GPBP1L1: variants seen among roughly 807,000 people sequenced by gnomAD.
GPBP1L1 encodes the protein GC-rich promoter binding protein 1 like 1.
In GPBP1L1, 23 loss-of-function variants were observed where a neutral mutation model predicts 52.5. The ratio of observed to expected loss-of-function variants is 0.44; its 90% CI spans 0.32 to 0.62. GPBP1L1 has a LOEUF of 0.62. Among genes scored for constraint, GPBP1L1 ranks in the 20% least tolerant of loss-of-function variants. The pLI, the probability that GPBP1L1 is intolerant of heterozygous loss-of-function variation, is 0.06. For missense variants in GPBP1L1, 596 were observed against 579.3 expected (o/e 1.03, Z -0.30); for synonymous variants, 243 against 203.1 (o/e 1.20, Z -1.67).
At chr1:45,646,219 C>A in intron 6 of GPBP1L1, 1 of 266,724 alleles carries the variant, frequency 3.7e-6, no homozygotes, top group East Asian at 1.2e-4. Flanking sequence ...GAAACAATGC[C>A]GGAAAGAGCA....
At chr1:45,672,384 A>G (rs1404924183) in intron 2 of GPBP1L1, among the ~76,000 whole-genome samples, 1 of 151,806 alleles carries the variant, frequency 6.6e-6, no homozygotes, top group Non-Finnish European at 1.5e-5. Context: ...GTACCTTTAT[A>G]TATATTTTTT....
chr1:45,671,070 A>G (rs961769240), intron 2 of GPBP1L1, among the ~76,000 whole-genome samples: 1 of 152,140 alleles, frequency 6.6e-6, no homozygotes, highest in African/African-American at 2.4e-5. Context: ...CTGGGATTAC[A>G]GGCGTGAGCC....
chr1:45,676,704 C>T (rs1645143375), intron 2 of GPBP1L1, among the ~76,000 whole-genome samples: 1 of 134,556 alleles, frequency 7.4e-6, no homozygotes, highest in Non-Finnish European at 1.6e-5. Flanking sequence ...GAGCGAAACT[C>T]TGTCTCAAAA....
In GPBP1L1 at chr1:45,633,572, T is replaced by C; in HGVS notation, c.961A>G (p.Arg321Gly). The C allele has an allele frequency of 6.2e-7, 1 of 1,614,030 alleles. No homozygotes were observed. Among genetic ancestry groups the C allele is most frequent in the Non-Finnish European group, 8.5e-7 (1 of 1,179,998 alleles). ...LTKLTRRTTD[R>G]KSEFLKTLKD... Reference sequence around the variant, plus strand: ...AGAGTTTTCAGGAACTCACTCTTCCTGTCGGTGGTTCGGCGGGTCAACTTG... The same window carrying C: ...AGAGTTTTCAGGAACTCACTCTTCCCGTCGGTGGTTCGGCGGGTCAACTTG... The change falls in exon 10 of 13, where the codon AGG (arginine) becomes GGG (glycine). Residue 321 changes from arginine to glycine, a missense_variant. Coordinates refer to ENST00000355105, the MANE Select transcript of GPBP1L1 (RefSeq NM_021639.5).
At chr1:45,656,647 T>A (rs1644887952) in intron 4 of GPBP1L1, among the ~76,000 whole-genome samples, 1 of 150,878 alleles carries the variant, frequency 6.6e-6, no homozygotes, top group Non-Finnish European at 1.5e-5. Context: ...TAGTCAAAAA[T>A]CAACAAAATA....
At chr1:45,686,136 G>T (rs1009225571) in intron 1 of GPBP1L1, among the ~76,000 whole-genome samples, 1 of 152,228 alleles carries the variant, frequency 6.6e-6, no homozygotes, top group South Asian at 2.1e-4. Context: ...TGAGCGTTCC[G>T]ACCCGACGAC....
chr1:45,681,655 C>T (rs1645213532), intron 2 of GPBP1L1, among the ~76,000 whole-genome samples: 1 of 152,194 alleles, frequency 6.6e-6, no homozygotes, highest in Non-Finnish European at 1.5e-5. Flanking sequence ...GAAGTTCTTA[C>T]CGTCAGACAT....
At chr1:45,683,042 T>G (rs1425792174) in intron 2 of GPBP1L1, among the ~76,000 whole-genome samples, 1 of 147,306 alleles carries the variant, frequency 6.8e-6, no homozygotes, top group African/African-American at 2.5e-5. Context: ...ACACCAAAAT[T>G]TGCCTTTCCC....
Position 45,654,663 on chromosome 1 carries a change from A to G in GPBP1L1, c.357T>C (p.His119=), listed in dbSNP as rs779066076. Residue 119 remains histidine (H), a synonymous_variant, in exon 6 of 13, where the codon CAT becomes CAC. Transcript: ENST00000355105. ...RSGGGTGNHR[H]WNGSFHSRKG... Reference sequence around the variant, plus strand: ...TCCGGGAGTGGAAGCTGCCATTCCAATGGCGATGGTTCCCTGTGCCACCTC... The same window carrying G: ...TCCGGGAGTGGAAGCTGCCATTCCAGTGGCGATGGTTCCCTGTGCCACCTC... The G allele has an allele frequency of 1.2e-6, 2 of 1,614,122 alleles. No homozygotes were observed. Among genetic ancestry groups the G allele is most frequent in the Non-Finnish European group, 1.7e-6 (2 of 1,180,008 alleles).
rs541091255 is a variant in GPBP1L1, at chr1:45,662,204, G to A, written c.-1097-979C>T. ...GAGTGCAGTGACTTGATCGTAGCTC[G>A]CTGCATCCTTGAACTCCCAGGCTTA... is the stretch of plus-strand genomic sequence containing the variant. On this transcript the variant is annotated intron_variant, in intron 2 of 12. Coordinates refer to ENST00000355105, the MANE Select transcript of GPBP1L1 (RefSeq NM_021639.5). Among the ~76,000 whole-genome samples the A allele has an allele frequency of 5.9e-5, 9 of 152,222 alleles. No homozygotes were observed. The South Asian group carries it at 1.9e-3, about 32-fold the overall frequency.
At chr1:45,663,176 C>T (rs1179838670) in intron 2 of GPBP1L1, among the ~76,000 whole-genome samples, 1 of 151,938 alleles carries the variant, frequency 6.6e-6, no homozygotes, top group African/African-American at 2.4e-5. Flanking sequence ...GTCAAGCATC[C>T]ATATGGAAAA....
chr1:45,673,992 C>A (rs1645107872), intron 2 of GPBP1L1, among the ~76,000 whole-genome samples: 1 of 152,188 alleles, frequency 6.6e-6, no homozygotes, highest in African/African-American at 2.4e-5. Flanking sequence ...TCACGAGAAT[C>A]TCTTGAACAC....
intron 6 of GPBP1L1, among the ~76,000 whole-genome samples, chr1:45,648,163 C>T (rs1020909548): frequency 1.3e-5 from 2 of 152,142 alleles, no homozygotes; most frequent in African/African-American, 2.4e-5. Flanking sequence ...TGGTCTCAAA[C>T]TCCTGGACTC....
At chr1:45,685,270 A>AT (rs2148531179) in intron 2 of GPBP1L1, among the ~76,000 whole-genome samples, 1 of 152,374 alleles carries the variant, frequency 6.6e-6, no homozygotes, top group Non-Finnish European at 1.5e-5. Context: ...AATTACAAAT[A>AT]TAAGTCTAAT....
intron 6 of GPBP1L1, among the ~76,000 whole-genome samples, chr1:45,643,424 G>C (rs1464662380): frequency 6.6e-6 from 1 of 152,066 alleles, no homozygotes; most frequent in Admixed American, 6.6e-5. Context: ...ACTTACAACC[G>C]TCACTCTAGT....
chr1:45,627,544 CCT>C lies in GPBP1L1; in HGVS notation c.*710_*711del, dbSNP rs1484406783. ...TAGTTATTTTATGCAGTAGTTTCCC[CCT>C]CGAGACTTGTGATAACCACATCTTT... On this transcript the variant is annotated 3_prime_UTR_variant, in exon 13 of 13. Transcript: ENST00000355105. 4 of 152,392 alleles carry C rather than the reference CCT, an allele frequency of 2.6e-5. No homozygotes were observed. Among genetic ancestry groups the C allele is most frequent in the Admixed American group, 6.5e-5 (1 of 15,268 alleles). 9.4% of individuals were successfully genotyped at this position (152,392 alleles called of 1,614,324 possible). A position where few individuals can be genotyped will look rare whatever the true frequency, so the allele number is the denominator to read the frequency against.
At chr1:45,687,056 C>T (rs1645299040), upstream of GPBP1L1, 1 of 152,312 alleles carries the variant, frequency 6.6e-6, no homozygotes, top group Non-Finnish European at 1.5e-5. Context: ...TCCCACCTTC[C>T]GCTCCTTACT....
chr1:45,647,726 C>G (rs1435449810), intron 6 of GPBP1L1, among the ~76,000 whole-genome samples: 2 of 152,140 alleles, frequency 1.3e-5, no homozygotes, highest in African/African-American at 4.8e-5. Context: ...CAGAGTGACA[C>G]CTCTCATGAA....
intron 2 of GPBP1L1, among the ~76,000 whole-genome samples, chr1:45,670,329 G>C (rs779236019): frequency 2.0e-5 from 3 of 152,156 alleles, no homozygotes; most frequent in Non-Finnish European, 2.9e-5. Flanking sequence ...TAATGCAAGA[G>C]AATAAATCAG....
Sources: gnomAD v4.1 joint callset for allele counts (sites outside exome capture counted in the v4.1 genomes callset) on GRCh38, gnomAD v4.1.1 for gene constraint, MANE v1.5 for transcripts, NCBI Gene and HGNC (gene_info 2026-07-23, HGNC 2026-07-21) for gene names.